Variants in PCNX4 observed in about 807,000 individuals in gnomAD.
PCNX4 encodes the protein pecanex-like protein 4.
A neutral mutation model predicts 107.2 loss-of-function variants in PCNX4; 103 were observed. That is an observed-to-expected ratio of 0.96 (90% CI 0.82 to 1.13). The LOEUF is 1.13. Among genes scored for constraint, PCNX4 ranks in the 50% most tolerant of loss-of-function variants. The probability of loss-of-function intolerance (pLI) is 0.00; values close to 1 mark genes in which losing one functional copy is unlikely to be tolerated. For missense variants in PCNX4, 1,528 were observed against 1,379.4 expected (o/e 1.11, Z -1.71); for synonymous variants, 541 against 481.7 (o/e 1.12, Z -1.61).
At chr14:60,107,482 A>G (rs1295383931) in intron 1 of PCNX4, 104 bp from the exon 2 acceptor site, 1 of 662,940 alleles carries the variant, frequency 1.5e-6, no homozygotes, top group Non-Finnish European at 2.5e-6. Context: ...TATAAATCCT[A>G]CCCTTGAAGG....
At position 60,134,413 on chromosome 14, in the gene PCNX4, C is replaced by G; in HGVS notation, c.*192C>G. 1.6e-6 allele frequency: 1 copy of G among 623,136 alleles called. No homozygotes were observed. Among genetic ancestry groups the G allele is most frequent in the East Asian group, 2.8e-5 (1 of 35,724 alleles). The allele number at this position is 623,136 out of a possible 1,614,324, so 38.6% of individuals were successfully genotyped here. A position where few individuals can be genotyped will look rare whatever the true frequency, so the allele number is the denominator to read the frequency against. Reference sequence around the variant, plus strand: ...AAAAACAGCAAAAACATCTTTATGTCTAAGATAAAAGAACTATTTGGCCAA... The same window carrying G: ...AAAAACAGCAAAAACATCTTTATGTGTAAGATAAAAGAACTATTTGGCCAA... On this transcript the variant is annotated 3_prime_UTR_variant, in exon 11 of 11. Coordinates refer to ENST00000406854, the MANE Select transcript of PCNX4 (RefSeq NM_001330177.2).
At chr14:60,096,383 T>C (rs1895425432) in intron 1 of PCNX4, among the ~76,000 whole-genome samples, 1 of 152,210 alleles carries the variant, frequency 6.6e-6, no homozygotes, top group South Asian at 2.1e-4. Context: ...CTAAAGCCTC[T>C]ATATGCCATA....
rs137914054 is a variant in PCNX4, at chr14:60,124,938, A to T, written c.2767A>T (p.Ser923Cys). ...AGAGTGGAGGACTAGCTGTATGCCC[A>T]GTTCCAAAATGAAGGAGATGAGCTC... ...PAEWRTSCMP[S>C]SKMKEMSSLF... Residue 923 changes from serine to cysteine, a missense_variant, in exon 9 of 11, where the codon AGT (serine) becomes TGT (cysteine). Coordinates refer to ENST00000406854, the MANE Select transcript of PCNX4 (RefSeq NM_001330177.2). 14 of 1,613,848 alleles carry T rather than the reference A, an allele frequency of 8.7e-6. No individual in the cohort carries two copies. The highest frequency in any genetic ancestry group is 1.0e-5 in the Non-Finnish European group (12 of 1,179,772).
At chr14:60,125,928 G>A (rs1896047810) in intron 10 of PCNX4, 105 bp downstream of exon 10, 4 of 746,094 alleles carry the variant, frequency 5.4e-6, no homozygotes, top group Non-Finnish European at 7.6e-6. Flanking sequence ...TTATAGCTGT[G>A]ATATATTAAT....
chr14:60,121,448 A>G lies in PCNX4; in HGVS notation c.2046+149A>G, dbSNP rs308995. The G allele has an allele frequency of 0.17, 141,737 of 823,520 alleles. 18,136 individuals are homozygous for G. The highest frequency in any genetic ancestry group is 0.5 in the African/African-American group (28,218 of 56,110). 51.0% of individuals were successfully genotyped at this position (823,520 alleles called of 1,614,324 possible). A position where few individuals can be genotyped will look rare whatever the true frequency, so the allele number is the denominator to read the frequency against. On this transcript the variant is annotated intron_variant, in intron 8 of 10. Transcript: ENST00000406854. ...CTAGGGATTTTTAAAGTATATTTCAATAAGCACATGTTGATAGGTGGACTA... is the reference window on the plus strand; with the variant it reads ...CTAGGGATTTTTAAAGTATATTTCAGTAAGCACATGTTGATAGGTGGACTA...
intron 2 of PCNX4, chr14:60,108,936 G>A (rs1177819197): frequency 6.0e-6 from 1 of 166,396 alleles, no homozygotes; most frequent in Non-Finnish European, 1.5e-5. Flanking sequence ...TCTTAGGTTA[G>A]TGTCCAGGTA....
Position 60,124,246 on chromosome 14 carries a change from A to C in PCNX4, c.2075A>C (p.His692Pro). ...TTAGAATTGCAGGAAACATCCTGTCATACTGCAGAAGCTCGCAGAGTTGAT... is the reference window on the plus strand; with the variant it reads ...TTAGAATTGCAGGAAACATCCTGTCCTACTGCAGAAGCTCGCAGAGTTGAT... ...KGLELQETSC[H>P]TAEARRVDEV... is the part of the protein sequence containing the mutation. The change falls in exon 9 of 11, where the codon CAT becomes CCT. Residue 692 changes from histidine to proline, a missense_variant. By Grantham distance (77) the His-to-Pro change is moderately conservative (BLOSUM62 -2). Coordinates refer to ENST00000406854, the MANE Select transcript of PCNX4 (RefSeq NM_001330177.2). 3.1e-6 allele frequency: 5 copies of C among 1,597,090 alleles called. No homozygotes were observed. The highest frequency in any genetic ancestry group is 4.3e-6 in the Non-Finnish European group (5 of 1,171,222).
Position 60,126,027 on chromosome 14 carries a change from G to A in PCNX4, c.3267+204G>A, listed in dbSNP as rs1317332919. On this transcript the variant is annotated intron_variant, in intron 10 of 10. Transcript: ENST00000406854. Reference sequence around the variant, plus strand: ...GATTTCTCTACTTTTGCCAACTGAAGAGGAGCCAATTAAAAATGTTGTGTA... The same window carrying A: ...GATTTCTCTACTTTTGCCAACTGAAAAGGAGCCAATTAAAAATGTTGTGTA... 1.9e-5 allele frequency: 7 copies of A among 373,002 alleles called. No homozygotes were observed. The East Asian group carries it at 2.2e-4, about 12-fold the overall frequency. The allele number at this position is 373,002 out of a possible 1,614,324, so 23.1% of individuals were successfully genotyped here.
chr14:60,103,702 T>G (rs1195440440), intron 1 of PCNX4, among the ~76,000 whole-genome samples: 2 of 152,236 alleles, frequency 1.3e-5, no homozygotes, highest in African/African-American at 4.8e-5. Context: ...TATGAACTAG[T>G]TCCTGCTTTG....
At chr14:60,108,516 A>C (rs996433684) in intron 2 of PCNX4, 189 bp downstream of exon 2, 5 of 452,160 alleles carry the variant, frequency 1.1e-5, no homozygotes, top group African/African-American at 8.1e-5. Context: ...CAATAGTTAA[A>C]ACTTATTAAA....
chr14:60,141,987 G>A lies in PCNX4; in HGVS notation c.*7766G>A, dbSNP rs940253231. 5 of 152,078 alleles carry A rather than the reference G, an allele frequency of 3.3e-5. No individual in the cohort carries two copies. The highest frequency in any genetic ancestry group is 1.2e-4 in the African/African-American group (5 of 41,420). The allele number at this position is 152,078 out of a possible 1,614,324, so 9.4% of individuals were successfully genotyped here. A position where few individuals can be genotyped will look rare whatever the true frequency, so the allele number is the denominator to read the frequency against. On this transcript the variant is annotated 3_prime_UTR_variant, in exon 11 of 11. Coordinates refer to ENST00000406854, the MANE Select transcript of PCNX4 (RefSeq NM_001330177.2). Reference sequence around the variant, plus strand: ...GTTAATTGTACCTTTTGACATTCCCGCCAGCAGTTTATGTGTACAAAATGT... The same window carrying A: ...GTTAATTGTACCTTTTGACATTCCCACCAGCAGTTTATGTGTACAAAATGT...
At position 60,108,255 on chromosome 14, in the gene PCNX4, A is replaced by G. The variant is rs758686428; in HGVS notation, c.617A>G (p.Asp206Gly). Residue 206 changes from aspartate (D) to glycine (G), a missense_variant, in exon 2 of 11, where the codon GAT (aspartate) becomes GGT (glycine). Transcript: ENST00000406854. ...GAGACTGCGACTTTCCAAACACAGG[A>G]TACTTATGAAATTATTCCTCTTATG... ...ATETATFQTQ[D>G]TYEIIPLMRP... 3 of 1,612,694 alleles carry G rather than the reference A, an allele frequency of 1.9e-6. No individual in the cohort carries two copies. Among genetic ancestry groups the G allele is most frequent in the Non-Finnish European group, 1.7e-6 (2 of 1,179,752 alleles).
chr14:60,125,092 C>G lies in PCNX4; in HGVS notation c.2921C>G (p.Thr974Arg). 6.2e-7 allele frequency: 1 copy of G among 1,613,280 alleles called. No homozygotes were observed. Among genetic ancestry groups the G allele is most frequent in the South Asian group, 1.1e-5 (1 of 91,040 alleles). Residue 974 changes from threonine to arginine, a missense_variant, in exon 9 of 11, where the codon ACA (threonine) becomes AGA (arginine). Transcript: ENST00000406854. ...DKVLKDFYVH[T>R]VMTCYFSLFG... ...GTTTTAAAAGACTTTTATGTTCATACAGTAATGACTTGTTATTTTAGTTTA... is the reference window on the plus strand; with the variant it reads ...GTTTTAAAAGACTTTTATGTTCATAGAGTAATGACTTGTTATTTTAGTTTA...
chr14:60,096,219 A>G (rs1320818921), intron 1 of PCNX4, among the ~76,000 whole-genome samples: 2 of 152,206 alleles, frequency 1.3e-5, no homozygotes, highest in Non-Finnish European at 2.9e-5. Flanking sequence ...ACAACATTCC[A>G]TTTTTATGAT....
At chr14:60,116,279 C>G (rs1435568303) in intron 6 of PCNX4, among the ~76,000 whole-genome samples, 1 of 152,176 alleles carries the variant, frequency 6.6e-6, no homozygotes. Flanking sequence ...TACTTTCTGT[C>G]TTTATGGATT....
At chr14:60,133,918 T>G in intron 10 of PCNX4, 52 bp from the exon 11 acceptor site, 1 of 1,519,462 alleles carries the variant, frequency 6.6e-7, no homozygotes, top group South Asian at 1.2e-5. Context: ...TATAAAGACC[T>G]AAATGGAATC....
chr14:60,107,368 T>C (rs931594432), intron 1 of PCNX4, among the ~76,000 whole-genome samples: 1 of 152,170 alleles, frequency 6.6e-6, no homozygotes, highest in East Asian at 1.9e-4. Context: ...GACAGAGTGA[T>C]ACCCTCTCTC....
chr14:60,127,915 A>G (rs1896084765), intron 10 of PCNX4, among the ~76,000 whole-genome samples: 1 of 152,178 alleles, frequency 6.6e-6, no homozygotes, highest in South Asian at 2.1e-4. Context: ...CAAATAGAGA[A>G]TGTATGTAGA....
rs201458384 is a variant in PCNX4, at chr14:60,115,758, G to A, written c.1397G>A (p.Ser466Asn). The change falls in exon 5 of 11, where the codon AGT (serine) becomes AAT (asparagine). Residue 466 changes from serine to asparagine, a missense_variant. Transcript: ENST00000406854. Reference sequence around the variant, plus strand: ...ATGATAGCATTTCTTTCATTGGACAGTTCCTTACAAGGGCTCCACTCAGTG... The same window carrying A: ...ATGATAGCATTTCTTTCATTGGACAATTCCTTACAAGGGCTCCACTCAGTG... ...FAMIAFLSLD[S>N]SLQGLHSVSV... 2 of 1,613,334 alleles carry A rather than the reference G, an allele frequency of 1.2e-6. No individual in the cohort carries two copies. Among genetic ancestry groups the A allele is most frequent in the South Asian group, 1.1e-5 (1 of 91,052 alleles).
Sources: gnomAD v4.1 joint callset for allele counts (sites outside exome capture counted in the v4.1 genomes callset) on GRCh38, gnomAD v4.1.1 for gene constraint, MANE v1.5 for transcripts, NCBI Gene and HGNC (gene_info 2026-07-23, HGNC 2026-07-21) for gene names.